The following NAA38 variants were observed in gnomAD, a reference collection of about 807,000 sequenced individuals.
The protein encoded by NAA38 is N-alpha-acetyltransferase 38, NatC auxiliary subunit.
A neutral mutation model predicts 12.6 loss-of-function variants in NAA38; 15 were observed. The observed-to-expected ratio is 1.19, with a 90% confidence interval of 0.79 to 1.83. The LOEUF (loss-of-function observed/expected upper bound fraction) is 1.83. Among genes scored for constraint, NAA38 ranks in the 40% most tolerant of loss-of-function variants. The pLI is 0.00. For missense variants in NAA38, 183 were observed against 171.7 expected (o/e 1.07, Z -0.37); for synonymous variants, 88 against 69.9 (o/e 1.26, Z -1.29).
intron 1 of NAA38, chr17:7,884,888 G>A (rs1273206380): frequency 7.3e-7 from 1 of 1,373,236 alleles, no homozygotes; most frequent in Non-Finnish European, 9.7e-7. Flanking sequence ...GGAAGAAGAG[G>A]GCGACGAGGA....
intron 1 of NAA38, among the ~76,000 whole-genome samples, chr17:7,884,415 G>T (rs1229948660): frequency 7.0e-6 from 1 of 143,880 alleles, no homozygotes; most frequent in Non-Finnish European, 1.5e-5. Context: ...TTAAAGCAAC[G>T]GAGAGGGGGG....
rs1174850923 is a variant in NAA38, at chr17:7,856,761, C to T, written c.348G>A (p.Arg116=). 2 of 1,614,026 alleles carry T rather than the reference C, an allele frequency of 1.2e-6. No homozygotes were observed. Among genetic ancestry groups the T allele is most frequent in the Non-Finnish European group, 1.7e-6 (2 of 1,180,008 alleles). ...GHHIVSIEVQ[R]ESLTGPPYL is the part of the protein sequence containing the mutation. ...GATACGGAGGCCCGGTCAGACTCTC[C>T]CTCTGCACCTCAATGGAAACGATGT... Residue 116 remains arginine, a synonymous_variant, in exon 3 of 3, where the codon AGG becomes AGA. Transcript: ENST00000575771.
chr17:7,873,976 T>C (rs962417273), intron 2 of NAA38, among the ~76,000 whole-genome samples: 1 of 152,210 alleles, frequency 6.6e-6, no homozygotes, highest in Non-Finnish European at 1.5e-5. Context: ...CTGGTCTGAA[T>C]GGTCATGGTG....
chr17:7,858,227 C>T, upstream of NAA38: 9 of 1,613,950 alleles, frequency 5.6e-6, no homozygotes, highest in South Asian at 1.1e-5. Context: ...ATAACAGGCC[C>T]GAAGACCTCT....
chr17:7,867,770 G>A (rs1281904809), intron 2 of NAA38, among the ~76,000 whole-genome samples: 1 of 152,254 alleles, frequency 6.6e-6, no homozygotes, highest in Admixed American at 6.5e-5. Flanking sequence ...CAGTAGTCCA[G>A]GTGAGATCCA....
rs541013672 is a variant in NAA38 at position 7,857,547 on chromosome 17, C to A, written c.-84G>T. 8.3e-6 allele frequency: 12 copies of A among 1,444,416 alleles called. No individual in the cohort carries two copies. In the South Asian group the frequency reaches 1.9e-4, roughly 23 times the overall value. The allele number at this position is 1,444,416 out of a possible 1,614,324, so 89.5% of individuals were successfully genotyped here. On this transcript the variant is annotated 5_prime_UTR_variant, in exon 1 of 3. Transcript: ENST00000575771. ...TCCGAGATCTCGCGAGCGCTCCCGA[C>A]CTCTTTCCTTTCGCGAGATCCCCTC...
At chr17:7,860,891 T>C (rs2078878059), upstream of NAA38, 1 of 151,998 alleles carries the variant, frequency 6.6e-6, no homozygotes, top group South Asian at 2.1e-4. Context: ...GAAGGAAAAC[T>C]AGAGTGGGGA....
At chr17:7,858,827 GA>G, upstream of NAA38, 1 of 1,528,184 alleles carries the variant, frequency 6.5e-7, no homozygotes, top group Non-Finnish European at 8.8e-7. Context: ...CACTGGAGGT[GA>G]GAACTGGTGA....
chr17:7,870,835 C>T (rs1020409093), intron 2 of NAA38, among the ~76,000 whole-genome samples: 1 of 150,426 alleles, frequency 6.6e-6, no homozygotes. Flanking sequence ...TTCGGTGAGC[C>T]GAGATCGTGT....
At chr17:7,859,403 T>C (rs1469007884), upstream of NAA38, 2 of 1,613,972 alleles carry the variant, frequency 1.2e-6, no homozygotes, top group African/African-American at 2.7e-5. Context: ...GGAGTCCATA[T>C]GGGAAATCCT....
chr17:7,876,597 A>C (rs1170701733), intron 2 of NAA38, among the ~76,000 whole-genome samples: 2 of 152,134 alleles, frequency 1.3e-5, no homozygotes, highest in African/African-American at 2.4e-5. Flanking sequence ...TATGAAAGTT[A>C]TTTACTTGCT....
chr17:7,872,283 AG>A (rs969938481), intron 2 of NAA38, among the ~76,000 whole-genome samples: 13 of 152,166 alleles, frequency 8.5e-5, no homozygotes. Context: ...CCCCAAGATC[AG>A]GAAAATATTC....
chr17:7,885,098 C>G (rs2151406436), intron 1 of NAA38: 1 of 983,842 alleles, frequency 1.0e-6, no homozygotes, highest in Non-Finnish European at 1.2e-6. Context: ...GCGCCCGCCC[C>G]GACTCCCCCC....
chr17:7,876,079 T>TA (rs1444328136), intron 2 of NAA38, among the ~76,000 whole-genome samples: 1 of 152,244 alleles, frequency 6.6e-6, no homozygotes, highest in Non-Finnish European at 1.5e-5. Context: ...CTATTATGAA[T>TA]AATGCTTCTA....
chr17:7,857,552 T>C lies in NAA38; in HGVS notation c.-89A>G. 1 of 1,431,772 alleles carries C rather than the reference T, an allele frequency of 7.0e-7. No individual in the cohort carries two copies. Among genetic ancestry groups the C allele is most frequent in the Middle Eastern group, 1.8e-4 (1 of 5,430 alleles). The allele number at this position is 1,431,772 out of a possible 1,614,324, so 88.7% of individuals were successfully genotyped here. ...GATCTCGCGAGCGCTCCCGACCTCT[T>C]TCCTTTCGCGAGATCCCCTCTCCTC... On this transcript the variant is annotated 5_prime_UTR_variant, in exon 1 of 3. Transcript: ENST00000575771.
At chr17:7,877,086 T>G (rs1967187511) in intron 2 of NAA38, 1 of 378,644 alleles carries the variant, frequency 2.6e-6, no homozygotes, top group South Asian at 2.0e-5. Context: ...GAATTATTTC[T>G]TTAGAGAAGT....
intron 2 of NAA38, among the ~76,000 whole-genome samples, chr17:7,872,215 A>C (rs1967097220): frequency 6.6e-6 from 1 of 152,070 alleles, no homozygotes; most frequent in Admixed American, 6.5e-5. Context: ...AAATCTATCC[A>C]CGTTTTCCTT....
intron 2 of NAA38, among the ~76,000 whole-genome samples, chr17:7,867,408 G>A (rs1335264159): frequency 2.0e-5 from 3 of 152,008 alleles, no homozygotes; most frequent in Admixed American, 6.6e-5. Context: ...GCATGATCTC[G>A]GCTCACTGCA....
chr17:7,877,196 A>G (rs1408154295), intron 2 of NAA38: 1 of 211,236 alleles, frequency 4.7e-6, no homozygotes. Context: ...CATTGTAAAA[A>G]TTCAGAATTA....
Sources: allele counts gnomAD v4.1 joint callset (sites outside exome capture counted in the v4.1 genomes callset), GRCh38; gene constraint gnomAD v4.1.1; transcripts MANE v1.5; gene names NCBI Gene and HGNC (gene_info 2026-07-23, HGNC 2026-07-21).